The following KIF6 variants were observed in gnomAD, a reference collection of about 807,000 sequenced individuals.
The protein encoded by KIF6 is kinesin family member 6, also known as kinesin-like protein KIF6.
Under a neutral mutation model 112.7 loss-of-function variants are expected in KIF6, and 106 were observed. That is an observed-to-expected ratio of 0.94 (90% CI 0.80 to 1.11). The LOEUF (loss-of-function observed/expected upper bound fraction) is 1.11, where lower values mean the gene tolerates loss of function less well. KIF6 is among the 50% of genes least tolerant of loss of function. The probability of loss-of-function intolerance (pLI) is 0.00; values close to 1 mark genes in which losing one functional copy is unlikely to be tolerated. For missense variants in KIF6, 929 were observed against 964.0 expected, an observed-to-expected ratio of 0.96 and a Z score of 0.48; for synonymous variants, 339 against 339.9, an observed-to-expected ratio of 1.00 and a Z score of 0.03.
intron 10 of KIF6, among the ~76,000 whole-genome samples, chr6:39,548,157 C>A (rs536694976): frequency 6.6e-6 from 1 of 152,286 alleles, no homozygotes; most frequent in Admixed American, 6.5e-5. Context: ...CTTTAGAAAA[C>A]AACTTTTGAA....
At chr6:39,635,652 A>G (rs746844851) in intron 4 of KIF6, among the ~76,000 whole-genome samples, 71 of 152,202 alleles carry the variant, frequency 4.7e-4, no homozygotes, top group Admixed American at 2.0e-3. Context: ...CTGAAATGCA[A>G]TGACATAGGC....
In KIF6 at chr6:39,334,398, C is replaced by G. The variant is rs954092439; in HGVS notation, c.*2134G>C. The G allele has an allele frequency of 4.3e-4, 66 of 152,402 alleles. No individual in the cohort carries two copies. The highest frequency in any genetic ancestry group is 1.4e-3 in the African/African-American group (59 of 41,584). 9.4% of individuals were successfully genotyped at this position (152,402 alleles called of 1,614,324 possible). ...GAATTTGAGACCATCCTGAGCCACA[C>G]AGTGAGACCCTGTCTCTACAAAAAA... is the stretch of plus-strand genomic sequence containing the variant. On this transcript the variant is annotated 3_prime_UTR_variant, in exon 23 of 23. Coordinates refer to ENST00000287152, the MANE Select transcript of KIF6 (RefSeq NM_145027.6).
chr6:39,599,013 G>C (rs1022828644), intron 6 of KIF6, among the ~76,000 whole-genome samples: 2 of 152,154 alleles, frequency 1.3e-5, no homozygotes, highest in Admixed American at 1.3e-4. Context: ...GGATGGAAAT[G>C]AAAGGCCAAG....
At chr6:39,367,208 A>G (rs1765624746) in intron 16 of KIF6, among the ~76,000 whole-genome samples, 1 of 152,220 alleles carries the variant, frequency 6.6e-6, no homozygotes, top group Non-Finnish European at 1.5e-5. Flanking sequence ...CTGAAGAGAA[A>G]TAGGGGCTGG....
chr6:39,547,916 T>C (rs1282585223), intron 10 of KIF6, among the ~76,000 whole-genome samples: 1 of 152,154 alleles, frequency 6.6e-6, no homozygotes, highest in African/African-American at 2.4e-5. Context: ...GATGAGACCT[T>C]GATCTACAAA....
intron 5 of KIF6, among the ~76,000 whole-genome samples, chr6:39,623,242 CACTT>C (rs1783921567): frequency 6.6e-6 from 1 of 152,078 alleles, no homozygotes; most frequent in Non-Finnish European, 1.5e-5. Context: ...AATTTTCTCT[CACTT>C]CTCTACTTTT....
chr6:39,607,208 T>C (rs1332423441), intron 6 of KIF6, among the ~76,000 whole-genome samples: 4 of 152,186 alleles, frequency 2.6e-5, no homozygotes, highest in African/African-American at 9.6e-5. Context: ...CTTTTAATAA[T>C]GTATATGGAG....
chr6:39,443,162 A>T (rs1014688727), intron 13 of KIF6, among the ~76,000 whole-genome samples: 171 of 133,334 alleles, frequency 1.3e-3, no homozygotes, highest in African/African-American at 4.3e-3. Context: ...ATAATAATAA[A>T]TAAAAATAAA....
At chr6:39,435,417 G>C (rs1390646097) in intron 13 of KIF6, among the ~76,000 whole-genome samples, 5 of 152,080 alleles carry the variant, frequency 3.3e-5, no homozygotes, top group Admixed American at 3.3e-4. Flanking sequence ...GGTACAAGTG[G>C]TTTTTGGTTA....
chr6:39,389,566 T>C (rs943467759), intron 15 of KIF6, among the ~76,000 whole-genome samples: 1 of 152,196 alleles, frequency 6.6e-6, no homozygotes, highest in Non-Finnish European at 1.5e-5. Flanking sequence ...CTCTTTCTTT[T>C]AAGTGCTGGA....
At chr6:39,653,430 G>T (rs1261860300) in intron 3 of KIF6, among the ~76,000 whole-genome samples, 1 of 152,108 alleles carries the variant, frequency 6.6e-6, no homozygotes, top group African/African-American at 2.4e-5. Context: ...TCTTTTTAAG[G>T]TTTTCCTCCT....
intron 10 of KIF6, among the ~76,000 whole-genome samples, chr6:39,556,734 A>G (rs1236792506): frequency 2.6e-5 from 4 of 152,188 alleles, no homozygotes; most frequent in Admixed American, 6.5e-5. Context: ...ACCTTTGAGA[A>G]AGAAGTTTAT....
chr6:39,355,359 G>A (rs1764562938), intron 19 of KIF6, among the ~76,000 whole-genome samples: 1 of 151,842 alleles, frequency 6.6e-6, no homozygotes, highest in Admixed American at 6.6e-5. Flanking sequence ...CTGAAGTGCT[G>A]GCACCAACAG....
chr6:39,676,083 G>A (rs1329238366), intron 3 of KIF6, among the ~76,000 whole-genome samples: 3 of 147,480 alleles, frequency 2.0e-5, no homozygotes, highest in Admixed American at 6.8e-5. Context: ...AAGACTAGCT[G>A]AGAATTTTCC....
intron 3 of KIF6, among the ~76,000 whole-genome samples, chr6:39,642,680 G>A (rs1055817456): frequency 4.6e-5 from 7 of 152,274 alleles, no homozygotes; most frequent in South Asian, 4.1e-4. Context: ...TGCCAGTGAA[G>A]TAAACAAGAA....
At chr6:39,577,442 T>C (rs113742772) in intron 10 of KIF6, among the ~76,000 whole-genome samples, 3,443 of 152,324 alleles carry the variant, frequency 0.023, 124 homozygotes, top group African/African-American at 0.078. Flanking sequence ...ACATGCTTAA[T>C]AAGCAGCACA....
intron 3 of KIF6, among the ~76,000 whole-genome samples, chr6:39,671,104 G>C (rs947578946): frequency 2.6e-5 from 4 of 152,132 alleles, no homozygotes; most frequent in Admixed American, 6.5e-5. Flanking sequence ...TAGTTCAGTT[G>C]GCGAAATGAT....
At chr6:39,576,664 C>T (rs1780991517) in intron 10 of KIF6, among the ~76,000 whole-genome samples, 1 of 152,174 alleles carries the variant, frequency 6.6e-6, no homozygotes, top group South Asian at 2.1e-4. Context: ...TCAGTATGGT[C>T]TAGCTTCTGC....
chr6:39,455,396 T>C (rs1395045904), intron 13 of KIF6, among the ~76,000 whole-genome samples: 2 of 150,998 alleles, frequency 1.3e-5, no homozygotes, highest in East Asian at 3.9e-4. Context: ...AGACCAAAAG[T>C]AGATAAAACC....
Sources: allele counts gnomAD v4.1 joint callset (sites outside exome capture counted in the v4.1 genomes callset), GRCh38; gene constraint gnomAD v4.1.1; transcripts MANE v1.5; gene names NCBI Gene and HGNC (gene_info 2026-07-23, HGNC 2026-07-21).